The following SPRED1 variants were observed in gnomAD, a reference collection of about 807,000 sequenced individuals.
The protein encoded by SPRED1 is sprouty related EVH1 domain containing 1.
SPRED1 carries 18 observed loss-of-function variants against 52.3 expected under a neutral mutation model. That is an observed-to-expected ratio of 0.34 (90% CI 0.24 to 0.51). The LOEUF is 0.51. SPRED1 is among the 20% of genes least tolerant of loss of function. The probability of loss-of-function intolerance (pLI) is 0.97; values close to 1 mark genes in which losing one functional copy is unlikely to be tolerated. For missense variants in SPRED1, 485 were observed against 551.0 expected, an observed-to-expected ratio of 0.88 and a Z score of 1.20; for synonymous variants, 155 against 179.7, an observed-to-expected ratio of 0.86 and a Z score of 1.10.
intron 4 of SPRED1, among the ~76,000 whole-genome samples, chr15:38,331,654 A>G (rs553125345): frequency 3.3e-5 from 5 of 152,026 alleles, no homozygotes; most frequent in African/African-American, 2.4e-5. Flanking sequence ...ATATTGTATT[A>G]TATTATATTA....
At chr15:38,325,412 G>A (rs1006123040) in intron 4 of SPRED1, among the ~76,000 whole-genome samples, 6 of 151,918 alleles carry the variant, frequency 3.9e-5, no homozygotes, top group Non-Finnish European at 5.9e-5. Context: ...TTTCAGATAA[G>A]AGATATCAAT....
intron 5 of SPRED1, among the ~76,000 whole-genome samples, chr15:38,349,093 A>G (rs556042734): frequency 2.0e-5 from 3 of 152,262 alleles, no homozygotes; most frequent in South Asian, 4.1e-4. Context: ...TGACATGTGT[A>G]ACTACTTTAT....
intron 1 of SPRED1, among the ~76,000 whole-genome samples, chr15:38,277,277 C>A (rs1440181915): frequency 1.3e-5 from 2 of 152,102 alleles, no homozygotes; most frequent in Non-Finnish European, 2.9e-5. Context: ...TCCCTCCTCC[C>A]ACCCTCAAGT....
chr15:38,296,717 C>T (rs80048879), intron 1 of SPRED1, among the ~76,000 whole-genome samples: 8,101 of 152,224 alleles, frequency 0.053, 298 homozygotes, highest in Middle Eastern at 0.085. Flanking sequence ...CCATTGTTAT[C>T]GTCCTAGTTC....
chr15:38,275,360 T>C (rs1192584934), intron 1 of SPRED1, among the ~76,000 whole-genome samples: 3 of 152,204 alleles, frequency 2.0e-5, no homozygotes, highest in African/African-American at 7.2e-5. Flanking sequence ...CAGGCTCATC[T>C]CATGCTTTTC....
In SPRED1 at chr15:38,351,699, G is replaced by A; in HGVS notation, c.*35G>A. ...GTGCCAAAATGAGCTTAAAATCTTT[G>A]TTTCCAGGAATTAGCTAACTTGGAT... On this transcript the variant is annotated 3_prime_UTR_variant, in exon 7 of 7. Coordinates refer to ENST00000299084, the MANE Select transcript of SPRED1 (RefSeq NM_152594.3). 1 of 1,604,668 alleles carries A rather than the reference G, an allele frequency of 6.2e-7. No homozygotes were observed. The highest frequency in any genetic ancestry group is 8.5e-7 in the Non-Finnish European group (1 of 1,179,450).
At chr15:38,341,309 C>T (rs145225003) in intron 5 of SPRED1, among the ~76,000 whole-genome samples, 4,914 of 151,396 alleles carry the variant, frequency 0.032, 116 homozygotes, top group Non-Finnish European at 0.049. Flanking sequence ...CATTTATTTC[C>T]GCTTCTAACT....
chr15:38,268,409 G>A (rs1894358219), intron 1 of SPRED1, among the ~76,000 whole-genome samples: 1 of 152,224 alleles, frequency 6.6e-6, no homozygotes, highest in African/African-American at 2.4e-5. Flanking sequence ...GTCTCCATCA[G>A]CATTATGTTT....
Position 38,351,214 on chromosome 15 carries a change from T to C in SPRED1, c.885T>C (p.Ser295=), listed in dbSNP as rs1888476496. ...GTAAAAAATCAGACTATCTGTACTC[T>C]TGTGGGGATGAGACTAAGTTAAGTT... ...PDSKKSDYLY[S]CGDETKLSSP... Residue 295 remains serine (S), a synonymous_variant, in exon 7 of 7, where the codon TCT becomes TCC. Transcript: ENST00000299084. The C allele has an allele frequency of 1.2e-6, 2 of 1,614,158 alleles. No individual in the cohort carries two copies. Among genetic ancestry groups the C allele is most frequent in the African/African-American group, 1.3e-5 (1 of 75,062 alleles).
At chr15:38,263,067 G>A (rs932491291) in intron 1 of SPRED1, among the ~76,000 whole-genome samples, 3 of 152,174 alleles carry the variant, frequency 2.0e-5, no homozygotes, top group Admixed American at 2.0e-4. Context: ...ACAAAACAGA[G>A]CTGGGAATAG....
intron 2 of SPRED1, among the ~76,000 whole-genome samples, chr15:38,306,492 A>C (rs1895251977): frequency 6.6e-6 from 1 of 152,190 alleles, no homozygotes; most frequent in Non-Finnish European, 1.5e-5. Flanking sequence ...GATAATAATA[A>C]CCAGTCCAGA....
intron 2 of SPRED1, among the ~76,000 whole-genome samples, chr15:38,315,870 T>C (rs1895468684): frequency 6.6e-6 from 1 of 152,012 alleles, no homozygotes; most frequent in African/African-American, 2.4e-5. Flanking sequence ...TAAGATTTAT[T>C]GAAGATTTAC....
At chr15:38,305,682 C>T (rs918544696) in intron 2 of SPRED1, among the ~76,000 whole-genome samples, 28 of 151,840 alleles carry the variant, frequency 1.8e-4, no homozygotes, top group African/African-American at 4.4e-4. Context: ...AGGTAACATT[C>T]GTGTGAAGAT....
At chr15:38,312,142 A>G (rs1346649022) in intron 2 of SPRED1, among the ~76,000 whole-genome samples, 1 of 151,966 alleles carries the variant, frequency 6.6e-6, no homozygotes, top group African/African-American at 2.4e-5. Flanking sequence ...TCCAACTGTC[A>G]TGTTTTTGGA....
intron 1 of SPRED1, among the ~76,000 whole-genome samples, chr15:38,291,415 C>T (rs1375165280): frequency 2.6e-5 from 4 of 152,170 alleles, no homozygotes; most frequent in African/African-American, 9.7e-5. Flanking sequence ...TAAATGGTGG[C>T]CCTCTTCTCA....
chr15:38,283,351 A>T, intron 1 of SPRED1: 1 of 205,960 alleles, frequency 4.9e-6, no homozygotes, highest in Non-Finnish European at 8.5e-6. Context: ...TGTGGGGATT[A>T]CAATTCAAGA....
At chr15:38,291,091 G>A (rs755920021) in intron 1 of SPRED1, among the ~76,000 whole-genome samples, 26 of 152,152 alleles carry the variant, frequency 1.7e-4, no homozygotes, top group Non-Finnish European at 3.1e-4. Flanking sequence ...GGAGATACAG[G>A]TATTGGGTAA....
intron 1 of SPRED1, among the ~76,000 whole-genome samples, chr15:38,271,117 A>G (rs185329276): frequency 4.5e-4 from 68 of 152,354 alleles, no homozygotes; most frequent in African/African-American, 1.5e-3. Context: ...ATTAGACCCA[A>G]TAATAAATAC....
At chr15:38,348,893 T>C (rs552393613) in intron 5 of SPRED1, among the ~76,000 whole-genome samples, 1 of 152,188 alleles carries the variant, frequency 6.6e-6, no homozygotes, top group Non-Finnish European at 1.5e-5. Context: ...CCTATTTTTT[T>C]ATTGCTATAT....
Sources: gnomAD v4.1 joint callset for allele counts (sites outside exome capture counted in the v4.1 genomes callset) on GRCh38, gnomAD v4.1.1 for gene constraint, MANE v1.5 for transcripts, NCBI Gene and HGNC (gene_info 2026-07-23, HGNC 2026-07-21) for gene names.